PHLDB2: variants seen among roughly 807,000 people sequenced by gnomAD.
PHLDB2 encodes the protein pleckstrin homology-like domain family B member 2.
A neutral mutation model predicts 123.6 loss-of-function variants in PHLDB2; 71 were observed. That is an observed-to-expected ratio of 0.57 (90% CI 0.47 to 0.70). PHLDB2 has a LOEUF of 0.70. Among genes scored for constraint, PHLDB2 ranks in the 30% least tolerant of loss-of-function variants. The pLI is 0.00. For missense variants in PHLDB2, 1,446 were observed against 1,519.5 expected (o/e 0.95, Z 0.80); for synonymous variants, 547 against 541.6 (o/e 1.01, Z -0.14).
chr3:111,821,782 G>A (rs6810112), intron 1 of PHLDB2, among the ~76,000 whole-genome samples: 31,936 of 152,066 alleles, frequency 0.21, 5,243 homozygotes, highest in African/African-American at 0.44. Context: ...AACAGCAGGT[G>A]ATGCTACTAA....
At chr3:111,836,295 A>C (rs1249624470) in intron 1 of PHLDB2, among the ~76,000 whole-genome samples, 2 of 152,228 alleles carry the variant, frequency 1.3e-5, no homozygotes, top group Non-Finnish European at 2.9e-5. Context: ...TTAAGTCCCC[A>C]ACAGAGCACA....
intron 1 of PHLDB2, among the ~76,000 whole-genome samples, chr3:111,827,682 T>C (rs1382093191): frequency 2.5e-5 from 2 of 81,140 alleles, no homozygotes; most frequent in African/African-American, 1.3e-4. Context: ...CGAGAATCCG[T>C]CTCAAAAAAA....
chr3:111,869,870 T>A (rs1216728348), intron 1 of PHLDB2, among the ~76,000 whole-genome samples: 1 of 152,238 alleles, frequency 6.6e-6, no homozygotes, highest in Non-Finnish European at 1.5e-5. Context: ...ATTGTAAACA[T>A]CCTCCTTGGA....
chr3:111,951,598 T>C (rs1334402624), intron 10 of PHLDB2, among the ~76,000 whole-genome samples: 1 of 152,146 alleles, frequency 6.6e-6, no homozygotes, highest in Non-Finnish European at 1.5e-5. Context: ...TTACTATATA[T>C]ATTTATGTTT....
intron 1 of PHLDB2, among the ~76,000 whole-genome samples, chr3:111,826,783 G>A (rs2062674019): frequency 6.6e-6 from 1 of 152,140 alleles, no homozygotes; most frequent in Admixed American, 6.5e-5. Context: ...GGAGTGGTTT[G>A]ATCAGCTGAA....
chr3:111,928,790 AT>A (rs2068949199), intron 5 of PHLDB2, among the ~76,000 whole-genome samples: 1 of 152,130 alleles, frequency 6.6e-6, no homozygotes, highest in African/African-American at 2.4e-5. Context: ...ACCCAACTGG[AT>A]TTTGCTCGTA....
chr3:111,936,618 G>GAA (rs1444675483), intron 6 of PHLDB2, among the ~76,000 whole-genome samples: 16 of 152,188 alleles, frequency 1.1e-4, no homozygotes, highest in Non-Finnish European at 1.6e-4. Context: ...TTCATGCAGT[G>GAA]GTTTAAGTAT....
chr3:111,786,711 A>T (rs1020313013), intron 1 of PHLDB2, among the ~76,000 whole-genome samples: 40 of 152,278 alleles, frequency 2.6e-4, no homozygotes, highest in Non-Finnish European at 4.9e-4. Flanking sequence ...CAGATCACTT[A>T]TCTCACCCGG....
At chr3:111,946,817 G>T (rs1252771925) in intron 9 of PHLDB2, among the ~76,000 whole-genome samples, 1 of 152,188 alleles carries the variant, frequency 6.6e-6, no homozygotes, top group Non-Finnish European at 1.5e-5. Context: ...GTGACTACTG[G>T]ATCATAAAAA....
chr3:111,860,015 CG>C lies in PHLDB2; in HGVS notation c.-15+445del, dbSNP rs1050137396. On this transcript the variant is annotated intron_variant, in intron 1 of 17. Coordinates refer to ENST00000431670, the MANE Select transcript of PHLDB2 (RefSeq NM_001134438.2). ...GGCGAACCCCGTTGTGCATGACTCTCGGGGGGCTGGGTAGATCTCCGGTTGA... is the reference window on the plus strand; with the variant it reads ...GGCGAACCCCGTTGTGCATGACTCTCGGGGGCTGGGTAGATCTCCGGTTGA... The C allele has an allele frequency of 1.8e-4, 93 of 502,770 alleles. No homozygotes were observed. In the South Asian group the frequency reaches 1.9e-3, roughly 10 times the overall value. 31.1% of individuals were successfully genotyped at this position (502,770 alleles called of 1,614,324 possible).
chr3:111,941,056 C>T (rs999912136), intron 8 of PHLDB2, among the ~76,000 whole-genome samples: 3 of 152,138 alleles, frequency 2.0e-5, no homozygotes, highest in African/African-American at 7.2e-5. Context: ...GTGTTTTGAA[C>T]TCTAGTTATT....
intron 1 of PHLDB2, among the ~76,000 whole-genome samples, chr3:111,788,347 C>G (rs982417932): frequency 6.6e-6 from 1 of 152,150 alleles, no homozygotes; most frequent in Non-Finnish European, 1.5e-5. Flanking sequence ...GATAAATTCA[C>G]CCAGGTCAGA....
chr3:111,800,258 G>A (rs965566168), intron 1 of PHLDB2, among the ~76,000 whole-genome samples: 20 of 152,194 alleles, frequency 1.3e-4, no homozygotes, highest in South Asian at 6.2e-4. Flanking sequence ...TGCCTGCCTC[G>A]GCTTCCCAAA....
intron 3 of PHLDB2, chr3:111,916,120 G>A (rs78091609): frequency 0.028 from 4,262 of 152,308 alleles, 127 homozygotes; most frequent in South Asian, 0.13. Context: ...CTGTTGGTGC[G>A]TACACGAGCA....
chr3:111,951,293 C>T (rs1263835153), intron 10 of PHLDB2, among the ~76,000 whole-genome samples: 1 of 152,134 alleles, frequency 6.6e-6, no homozygotes, highest in Non-Finnish European at 1.5e-5. Flanking sequence ...CTAGATTTCT[C>T]ATCTGTAATA....
intron 2 of PHLDB2, 117 bp downstream of exon 2, chr3:111,885,529 C>T (rs769349319): frequency 1.6e-5 from 20 of 1,277,918 alleles, no homozygotes; most frequent in Non-Finnish European, 2.2e-5. Context: ...GTTCACTAGC[C>T]ACAGCTGCTA....
intron 1 of PHLDB2, among the ~76,000 whole-genome samples, chr3:111,818,687 G>T (rs1486397206): frequency 6.6e-6 from 1 of 152,054 alleles, no homozygotes; most frequent in African/African-American, 2.4e-5. Flanking sequence ...GACAAAAATA[G>T]GGCTTTAAAA....
chr3:111,931,882 T>C (rs2069169955), intron 5 of PHLDB2, among the ~76,000 whole-genome samples: 1 of 152,216 alleles, frequency 6.6e-6, no homozygotes, highest in South Asian at 2.1e-4. Flanking sequence ...CCCTTTCCTT[T>C]GTCTGTTTCT....
rs746009628 is a variant in PHLDB2 at position 111,973,746 on chromosome 3, A to G, written c.3550A>G (p.Lys1184Glu). The G allele has an allele frequency of 1.6e-5, 26 of 1,598,518 alleles. No individual in the cohort carries two copies. The highest frequency in any genetic ancestry group is 2.2e-5 in the Non-Finnish European group (26 of 1,169,396). ...TGTCTTTGCAGACAAGCATGAAACT[A>G]AATTGAAAGGAGTAATATACTTTCA... Reference protein sequence around the residue: ...FSYYADKHETKLKGVIYFQAI... With the variant: ...FSYYADKHETELKGVIYFQAI... The change falls in exon 17 of 18, where the codon AAA (lysine) becomes GAA (glutamate). Residue 1184 changes from lysine (K) to glutamate (E), a missense_variant. Transcript: ENST00000431670.
Sources: allele counts gnomAD v4.1 joint callset (sites outside exome capture counted in the v4.1 genomes callset), GRCh38; gene constraint gnomAD v4.1.1; transcripts MANE v1.5; gene names NCBI Gene and HGNC (gene_info 2026-07-23, HGNC 2026-07-21).